CPE: variants seen among roughly 807,000 people sequenced by gnomAD.
CPE encodes carbocypeptidase E.
A neutral mutation model predicts 53.5 loss-of-function variants in CPE; 17 were observed. The ratio of observed to expected loss-of-function variants is 0.32; its 90% CI spans 0.22 to 0.48. The LOEUF (loss-of-function observed/expected upper bound fraction) is 0.48. Ranked by LOEUF, CPE falls within the 20% of genes least tolerant of loss-of-function variation. The probability of loss-of-function intolerance (pLI) is 0.99; values close to 1 mark genes in which losing one functional copy is unlikely to be tolerated. For missense variants in CPE, 524 were observed against 614.7 expected, an observed-to-expected ratio of 0.85 and a Z score of 1.56; for synonymous variants, 226 against 228.8, an observed-to-expected ratio of 0.99 and a Z score of 0.11.
Position 165,405,647 on chromosome 4 carries a change from C to A in CPE, c.307+26119C>A, listed in dbSNP as rs1233033923. The stretch of plus-strand genomic sequence containing the variant: ...TTTGGGAAAGTAATTGCAACTTCTT[C>A]TAGGTATTTGATTGTCCATTCCTCT... On this transcript the variant is annotated intron_variant, in intron 1 of 8. Coordinates refer to ENST00000402744, the MANE Select transcript of CPE (RefSeq NM_001873.4). 11 of 778,760 alleles carry A rather than the reference C, an allele frequency of 1.4e-5. No individual in the cohort carries two copies. The East Asian group carries it at 1.5e-4, about 11-fold the overall frequency. The allele number at this position is 778,760 out of a possible 1,614,324, so 48.2% of individuals were successfully genotyped here.
chr4:165,456,668 GC>G (rs1731908318), intron 1 of CPE, among the ~76,000 whole-genome samples: 1 of 151,578 alleles, frequency 6.6e-6, no homozygotes, highest in South Asian at 2.1e-4. Context: ...CTGGGTTCAA[GC>G]GATTCTCCTG....
chr4:165,390,310 C>T (rs1218363045), intron 1 of CPE, among the ~76,000 whole-genome samples: 3 of 152,154 alleles, frequency 2.0e-5, no homozygotes, highest in Non-Finnish European at 2.9e-5. Context: ...GTGTTGCCTT[C>T]AGTCTACTCA....
chr4:165,487,684 G>A (rs1359230562), intron 6 of CPE, 107 bp downstream of exon 6: 1 of 1,265,336 alleles, frequency 7.9e-7, no homozygotes, highest in Non-Finnish European at 1.1e-6. Context: ...TGCAGAATGA[G>A]GATGCCATAT....
intron 1 of CPE, among the ~76,000 whole-genome samples, chr4:165,427,259 A>G (rs1731336390): frequency 1.3e-5 from 2 of 152,138 alleles, no homozygotes; most frequent in Middle Eastern, 3.4e-3. Context: ...AAAGAATTCA[A>G]CTGAGAACCC....
chr4:165,446,564 A>C (rs1731719202), intron 1 of CPE, among the ~76,000 whole-genome samples: 1 of 152,190 alleles, frequency 6.6e-6, no homozygotes, highest in African/African-American at 2.4e-5. Context: ...CAGTGGCGTG[A>C]TCACGACTCC....
At chr4:165,417,790 AG>A (rs55709550) in intron 1 of CPE, among the ~76,000 whole-genome samples, 38,259 of 140,362 alleles carry the variant, frequency 0.27, 5,143 homozygotes, top group Middle Eastern at 0.38. Flanking sequence ...AAAAAAAAAA[AG>A]ACATTAAATC....
At position 165,461,188 on chromosome 4, in the gene CPE, G is replaced by GAAAAAAAGAAAAAGAA. The variant is rs1553976642; in HGVS notation, c.308-3199_308-3198insAAAAGAAAAAGAAAAA. Among the ~76,000 whole-genome samples the GAAAAAAAGAAAAAGAA allele has an allele frequency of 1.2e-4, 10 of 81,190 alleles. 1 individual carries two copies. Among genetic ancestry groups the GAAAAAAAGAAAAAGAA allele is most frequent in the Non-Finnish European group, 1.4e-4 (6 of 43,102 alleles). 53.3% of individuals were successfully genotyped at this position (81,190 alleles called of 152,430 possible). ...CCTCAAAAAAAAAAAAAAAAAAAAA[G>GAAAAAAAGAAAAAGAA]AAAGAAAGAAAAGAAAAGAAAAATA... On this transcript the variant is annotated intron_variant, in intron 1 of 8. Transcript: ENST00000402744.
At chr4:165,409,312 T>C (rs1283539394) in intron 1 of CPE, among the ~76,000 whole-genome samples, 1 of 152,192 alleles carries the variant, frequency 6.6e-6, no homozygotes, top group Non-Finnish European at 1.5e-5. Context: ...CAAGTGATTC[T>C]TGTGTCTCAG....
intron 1 of CPE, among the ~76,000 whole-genome samples, chr4:165,380,762 T>C (rs1279395865): frequency 6.6e-6 from 1 of 152,222 alleles, no homozygotes; most frequent in East Asian, 1.9e-4. Flanking sequence ...AGGAAATATT[T>C]CTTACCTTCA....
At chr4:165,471,983 C>A (rs1219516995) in intron 3 of CPE, among the ~76,000 whole-genome samples, 1 of 152,168 alleles carries the variant, frequency 6.6e-6, no homozygotes, top group Non-Finnish European at 1.5e-5. Flanking sequence ...AGAATACCCA[C>A]AAATAGTTTC....
chr4:165,464,140 A>G (rs2126700264), intron 1 of CPE, among the ~76,000 whole-genome samples: 1 of 152,318 alleles, frequency 6.6e-6, no homozygotes, highest in African/African-American at 2.4e-5. Flanking sequence ...TAATACAGTC[A>G]CATTGGATGT....
At chr4:165,406,763 C>G (rs1730960660) in intron 1 of CPE, among the ~76,000 whole-genome samples, 1 of 152,198 alleles carries the variant, frequency 6.6e-6, no homozygotes, top group African/African-American at 2.4e-5. Flanking sequence ...TTCCCAATTC[C>G]TCCCAATCCT....
chr4:165,473,560 A>G (rs185933329), intron 3 of CPE, among the ~76,000 whole-genome samples: 93 of 152,370 alleles, frequency 6.1e-4, no homozygotes, highest in African/African-American at 2.1e-3. Flanking sequence ...TCCTTGAGGT[A>G]GGACTGACTA....
chr4:165,440,733 C>T (rs1467243217), intron 1 of CPE, among the ~76,000 whole-genome samples: 1 of 151,936 alleles, frequency 6.6e-6, no homozygotes, highest in Admixed American at 6.6e-5. Flanking sequence ...CCTATGTCAC[C>T]GATTTGGAAA....
chr4:165,492,911 T>A (rs1467831325), intron 6 of CPE, among the ~76,000 whole-genome samples: 2 of 152,162 alleles, frequency 1.3e-5, no homozygotes, highest in Non-Finnish European at 2.9e-5. Context: ...TATGACACTT[T>A]TTAAAATGAT....
intron 3 of CPE, among the ~76,000 whole-genome samples, chr4:165,473,792 A>G (rs1732248565): frequency 6.6e-6 from 1 of 152,252 alleles, no homozygotes; most frequent in Non-Finnish European, 1.5e-5. Context: ...GGAGATTAGC[A>G]CAGAGTAGGC....
In CPE at chr4:165,404,238, C is replaced by T. The variant is rs376667583; in HGVS notation, c.307+24710C>T. 8.4e-5 allele frequency: 64 copies of T among 762,120 alleles called. 1 individual carries two copies. Among genetic ancestry groups the T allele is most frequent in the African/African-American group, 3.6e-4 (21 of 58,776 alleles). 47.2% of individuals were successfully genotyped at this position (762,120 alleles called of 1,614,324 possible). A position where few individuals can be genotyped will look rare whatever the true frequency, so the allele number is the denominator to read the frequency against. The stretch of plus-strand genomic sequence containing the variant: ...CCAAGACAAGGTGGGAAGCTGAGCC[C>T]GAAGACGGCTCCAATGTCTCCCTCT... On this transcript the variant is annotated intron_variant, in intron 1 of 8. Coordinates refer to ENST00000402744, the MANE Select transcript of CPE (RefSeq NM_001873.4).
intron 3 of CPE, among the ~76,000 whole-genome samples, chr4:165,477,268 G>A (rs1732321246): frequency 6.6e-6 from 1 of 152,172 alleles, no homozygotes; most frequent in South Asian, 2.1e-4. Flanking sequence ...AAAGAGGCAT[G>A]TTCATGGTAC....
chr4:165,380,036 T>C (rs539446393), intron 1 of CPE, among the ~76,000 whole-genome samples: 28 of 152,146 alleles, frequency 1.8e-4, no homozygotes, highest in Non-Finnish European at 3.8e-4. Flanking sequence ...TCATTTATCA[T>C]GTTTTCTCTA....
Sources: gnomAD v4.1 joint callset for allele counts (sites outside exome capture counted in the v4.1 genomes callset) on GRCh38, gnomAD v4.1.1 for gene constraint, MANE v1.5 for transcripts, NCBI Gene and HGNC (gene_info 2026-07-23, HGNC 2026-07-21) for gene names.